BMPR1A: variants seen among roughly 807,000 people sequenced by gnomAD.
The protein encoded by BMPR1A is bone morphogenetic protein receptor type 1A.
BMPR1A carries 7 observed loss-of-function variants against 66.0 expected under a neutral mutation model. That is an observed-to-expected ratio of 0.11 (90% confidence interval 0.06 to 0.20). The LOEUF (loss-of-function observed/expected upper bound fraction) is 0.20. BMPR1A is among the 10% of genes least tolerant of loss of function. The probability of loss-of-function intolerance (pLI) is 1.00; values close to 1 mark genes in which losing one functional copy is unlikely to be tolerated. For synonymous variants in BMPR1A, 200 were observed against 229.7 expected, an observed-to-expected ratio of 0.87 and a Z score of 1.17; for missense variants, 408 against 669.1, an observed-to-expected ratio of 0.61 and a Z score of 4.31.
At chr10:86,904,716 A>G (rs1335577382) in intron 7 of BMPR1A, among the ~76,000 whole-genome samples, 1 of 152,234 alleles carries the variant, frequency 6.6e-6, no homozygotes, top group African/African-American at 2.4e-5. Context: ...ATCTTTTAAG[A>G]TGAACAAAAA....
At chr10:86,781,690 C>T (rs1338796318) in intron 1 of BMPR1A, among the ~76,000 whole-genome samples, 1 of 151,996 alleles carries the variant, frequency 6.6e-6, no homozygotes, top group Non-Finnish European at 1.5e-5. Context: ...CCCTTCAGCT[C>T]CTGGCAACCA....
At chr10:86,789,177 AAACC>A (rs1564684884) in intron 1 of BMPR1A, among the ~76,000 whole-genome samples, 1 of 152,212 alleles carries the variant, frequency 6.6e-6, no homozygotes, top group African/African-American at 2.4e-5. Flanking sequence ...GTAAGAGCTA[AAACC>A]ATAAAAATCT....
chr10:86,766,617 C>CTTT (rs71019427), intron 1 of BMPR1A, among the ~76,000 whole-genome samples: 6 of 131,246 alleles, frequency 4.6e-5, no homozygotes, highest in South Asian at 2.3e-4. Flanking sequence ...TCATATCAGT[C>CTTT]TTTTTTTTTT....
At position 86,843,226 on chromosome 10, in the gene BMPR1A, A is replaced by G. The variant is rs532061195; in HGVS notation, c.-153+4247A>G. ...TTTGAAATCGTCCTTCCTTTTCTCTACTCTCTTCTCTTGGCATATTTTTGG... is the reference window on the plus strand; with the variant it reads ...TTTGAAATCGTCCTTCCTTTTCTCTGCTCTCTTCTCTTGGCATATTTTTGG... On this transcript the variant is annotated intron_variant, in intron 2 of 12. Transcript: ENST00000372037. Among the ~76,000 whole-genome samples the G allele has an allele frequency of 5.9e-5, 9 of 151,856 alleles. No homozygotes were observed. The East Asian group carries it at 1.5e-3, about 26-fold the overall frequency.
Position 86,762,651 on chromosome 10 carries a change from G to A in BMPR1A, c.-268+5732G>A, listed in dbSNP as rs11202168. ...TGGGATTACAGGTGTGAGCCACTGC[G>A]CCTGGCCAGTCTTGAGAAATTTCAA... On this transcript the variant is annotated intron_variant, in intron 1 of 12. Coordinates refer to ENST00000372037, the MANE Select transcript of BMPR1A (RefSeq NM_004329.3). Among the ~76,000 whole-genome samples the A allele has an allele frequency of 0.27, 40,457 of 152,128 alleles. 6,805 individuals are homozygous for A. Among genetic ancestry groups the A allele is most frequent in the East Asian group, 0.69 (3,590 of 5,166 alleles).
At chr10:86,888,127 T>C (rs934165048) in intron 3 of BMPR1A, among the ~76,000 whole-genome samples, 2 of 151,104 alleles carry the variant, frequency 1.3e-5, no homozygotes, top group Non-Finnish European at 1.5e-5. Context: ...GAGTAATATA[T>C]GTATGTACAC....
intron 1 of BMPR1A, among the ~76,000 whole-genome samples, chr10:86,784,009 G>GT (rs1417231064): frequency 1.3e-5 from 2 of 152,122 alleles, no homozygotes; most frequent in Non-Finnish European, 2.9e-5. Context: ...AGTTCTAACA[G>GT]TTTTTTTGTG....
chr10:86,765,483 CAAA>C (rs34219531), intron 1 of BMPR1A, among the ~76,000 whole-genome samples: 2 of 70,646 alleles, frequency 2.8e-5, no homozygotes, highest in Non-Finnish European at 5.5e-5. Flanking sequence ...GACTCTGTCT[CAAA>C]AAAAAAAAAA....
At chr10:86,920,262 A>ATGTTGCAAC (rs1228467182) in intron 10 of BMPR1A, among the ~76,000 whole-genome samples, 3 of 152,326 alleles carry the variant, frequency 2.0e-5, no homozygotes, top group Admixed American at 2.0e-4. Context: ...TATACATATT[A>ATGTTGCAAC]AACTATGGTA....
chr10:86,893,001 A>C (rs1389484465), intron 5 of BMPR1A, among the ~76,000 whole-genome samples: 1 of 152,130 alleles, frequency 6.6e-6, no homozygotes. Context: ...TAAAAATAAA[A>C]ATTTTATTCA....
At chr10:86,809,236 T>C (rs1841932612) in intron 1 of BMPR1A, among the ~76,000 whole-genome samples, 2 of 152,160 alleles carry the variant, frequency 1.3e-5, no homozygotes, top group African/African-American at 4.8e-5. Context: ...TACAGTGTCA[T>C]GGAATTATCA....
Position 86,912,293 on chromosome 10 carries a change from A to G in BMPR1A, c.584A>G (p.Gln195Arg), listed in dbSNP as rs775295628. 1.9e-6 allele frequency: 3 copies of G among 1,613,882 alleles called. No homozygotes were observed. Among genetic ancestry groups the G allele is most frequent in the Non-Finnish European group, 2.5e-6 (3 of 1,179,942 alleles). Residue 195 changes from glutamine (Q) to arginine (R), a missense_variant, in exon 8 of 13, where the codon CAG (glutamine) becomes CGG (arginine). By Grantham distance (43) the Gln-to-Arg change is conservative. Around this residue, in one of 5 missense-constraint regions of BMPR1A, gnomAD observed 174 missense variants for 265.1 expected, o/e 0.66. Coordinates refer to ENST00000372037, the MANE Select transcript of BMPR1A (RefSeq NM_004329.3). ...SRRRYNRDLE[Q>R]DEAFIPVGES... ...CGTCGTTACAATCGTGATTTGGAAC[A>G]GGATGAAGCATTTATTCCAGTTGGA...
At chr10:86,772,853 AAC>A (rs1376515754) in intron 1 of BMPR1A, among the ~76,000 whole-genome samples, 3 of 152,158 alleles carry the variant, frequency 2.0e-5, no homozygotes, top group African/African-American at 7.2e-5. Context: ...AACAAATTGA[AAC>A]ACATAGAAAA....
At chr10:86,858,642 A>G (rs529648448) in intron 2 of BMPR1A, among the ~76,000 whole-genome samples, 59 of 152,352 alleles carry the variant, frequency 3.9e-4, no homozygotes, top group African/African-American at 1.3e-3. Context: ...GTTTCTATAC[A>G]CCAATAATGA....
chr10:86,932,024 A>C (rs1234754266), downstream of BMPR1A: 1 of 152,206 alleles, frequency 6.6e-6, no homozygotes, highest in Non-Finnish European at 1.5e-5. Context: ...CTTCCATTAA[A>C]GTTTCATCAA....
At chr10:86,839,289 G>C (rs1362756826) in intron 2 of BMPR1A, among the ~76,000 whole-genome samples, 2 of 152,080 alleles carry the variant, frequency 1.3e-5, no homozygotes, top group Non-Finnish European at 2.9e-5. Flanking sequence ...TTCCCCCTAA[G>C]TTTGCAAAGC....
At chr10:86,813,902 A>G (rs368060146) in intron 1 of BMPR1A, among the ~76,000 whole-genome samples, 1 of 152,182 alleles carries the variant, frequency 6.6e-6, no homozygotes, top group African/African-American at 2.4e-5. Context: ...TATGTTGATA[A>G]TATGTATAAT....
At chr10:86,921,786 T>C in intron 11 of BMPR1A, 91 bp downstream of exon 11, 1 of 1,529,454 alleles carries the variant, frequency 6.5e-7, no homozygotes, top group South Asian at 1.1e-5. Context: ...TTTTTAATTT[T>C]TGTGGGCACA....
chr10:86,763,383 A>T (rs1044598394), intron 1 of BMPR1A, among the ~76,000 whole-genome samples: 1 of 152,240 alleles, frequency 6.6e-6, no homozygotes, highest in Non-Finnish European at 1.5e-5. Flanking sequence ...TCAATCACGG[A>T]TGCCACACTA....
Sources: allele counts gnomAD v4.1 joint callset (sites outside exome capture counted in the v4.1 genomes callset), GRCh38; gene constraint gnomAD v4.1.1; regional missense constraint gnomAD v4.1.1; transcripts MANE v1.5; gene names NCBI Gene and HGNC (gene_info 2026-07-23, HGNC 2026-07-21).